The following PRKD1 variants were observed in gnomAD, a reference collection of about 807,000 sequenced individuals.
The protein encoded by PRKD1 is serine/threonine-protein kinase D1.
In PRKD1, 63 loss-of-function variants were observed where a neutral mutation model predicts 95.9. That is an observed-to-expected ratio of 0.66 (90% confidence interval 0.54 to 0.81). The LOEUF (loss-of-function observed/expected upper bound fraction) is 0.81, where lower values mean the gene tolerates loss of function less well. Ranked by LOEUF, PRKD1 falls within the 30% of genes least tolerant of loss-of-function variation. The pLI is 0.00. For missense variants in PRKD1, 1,048 were observed against 1,165.3 expected, an observed-to-expected ratio of 0.90 and a Z score of 1.47; for synonymous variants, 425 against 423.1, an observed-to-expected ratio of 1.00 and a Z score of -0.05.
chr14:29,634,611 C>A, intron 7 of PRKD1, 70 bp from the exon 8 acceptor site: 1 of 1,570,100 alleles, frequency 6.4e-7, no homozygotes, highest in Non-Finnish European at 8.7e-7. Context: ...ATGCATAAAA[C>A]CTTATGTCAG....
At chr14:29,881,204 C>G (rs889452101) in intron 1 of PRKD1, among the ~76,000 whole-genome samples, 4 of 152,054 alleles carry the variant, frequency 2.6e-5, no homozygotes, top group Non-Finnish European at 5.9e-5. Context: ...TGGAAGGGAC[C>G]CAGGGAGAGG....
chr14:29,916,226 A>G (rs1894882194), intron 1 of PRKD1, among the ~76,000 whole-genome samples: 1 of 152,094 alleles, frequency 6.6e-6, no homozygotes. Flanking sequence ...TGCTCTTTGG[A>G]GCTCTCACCT....
At chr14:29,797,617 C>A (rs1481129161) in intron 1 of PRKD1, among the ~76,000 whole-genome samples, 1 of 152,094 alleles carries the variant, frequency 6.6e-6, no homozygotes, top group South Asian at 2.1e-4. Flanking sequence ...TCAAACTACC[C>A]AAGGGTGCCA....
chr14:29,758,986 A>G (rs45575933), intron 1 of PRKD1, among the ~76,000 whole-genome samples: 2,083 of 152,328 alleles, frequency 0.014, 52 homozygotes, highest in African/African-American at 0.048. Flanking sequence ...TGTTTCATAT[A>G]TAAGAAGAAA....
At chr14:29,915,096 T>C (rs1214487434) in intron 1 of PRKD1, among the ~76,000 whole-genome samples, 3 of 152,156 alleles carry the variant, frequency 2.0e-5, no homozygotes, top group Admixed American at 2.0e-4. Context: ...TATTCAAGAG[T>C]GATTCATTGA....
intron 2 of PRKD1, among the ~76,000 whole-genome samples, chr14:29,710,821 A>G (rs530692705): frequency 6.6e-6 from 1 of 152,296 alleles, no homozygotes; most frequent in Admixed American, 6.5e-5. Flanking sequence ...TTATTCCAAA[A>G]TACAAGTTTG....
At chr14:29,822,057 A>C (rs1890934957) in intron 1 of PRKD1, among the ~76,000 whole-genome samples, 1 of 152,138 alleles carries the variant, frequency 6.6e-6, no homozygotes, top group African/African-American at 2.4e-5. Flanking sequence ...TCCATGAACC[A>C]ATTTGTTTCA....
rs562649549 is a variant in PRKD1 at position 29,698,225 on chromosome 14, A to G, written c.403+27311T>C. ...GTTTATAATCACTATTATCTGGATA[A>G]TCACATATGATATACAACTTTTTAA... On this transcript the variant is annotated intron_variant, in intron 2 of 17. Coordinates refer to ENST00000331968, the MANE Select transcript of PRKD1 (RefSeq NM_002742.3). Among the ~76,000 whole-genome samples the G allele has an allele frequency of 4.6e-5, 7 of 152,332 alleles. No individual in the cohort carries two copies. The South Asian group carries it at 1.2e-3, about 27-fold the overall frequency.
intron 1 of PRKD1, among the ~76,000 whole-genome samples, chr14:29,917,484 T>C (rs1894930849): frequency 6.6e-6 from 1 of 152,150 alleles, no homozygotes; most frequent in African/African-American, 2.4e-5. Context: ...TTAAACCATT[T>C]ACAAAAAAAA....
chr14:29,696,670 C>A (rs1884535798), intron 2 of PRKD1, among the ~76,000 whole-genome samples: 1 of 152,100 alleles, frequency 6.6e-6, no homozygotes, highest in Non-Finnish European at 1.5e-5. Flanking sequence ...GTCTCTAAAA[C>A]TTGGCAGGAA....
intron 1 of PRKD1, among the ~76,000 whole-genome samples, chr14:29,860,431 G>A (rs7152735): frequency 0.033 from 5,091 of 152,244 alleles, 304 homozygotes; most frequent in African/African-American, 0.11. Flanking sequence ...GGTAAAAGCT[G>A]CAAGATAAGA....
At chr14:29,807,539 G>A (rs769844783) in intron 1 of PRKD1, among the ~76,000 whole-genome samples, 14 of 151,858 alleles carry the variant, frequency 9.2e-5, no homozygotes, top group Non-Finnish European at 1.6e-4. Flanking sequence ...TGGGACTACC[G>A]GTGTGTGCCA....
chr14:29,833,836 C>T (rs187096392), intron 1 of PRKD1, among the ~76,000 whole-genome samples: 14 of 152,032 alleles, frequency 9.2e-5, no homozygotes, highest in Admixed American at 9.2e-4. Flanking sequence ...ATCCCTTTTA[C>T]TCCTCTATTT....
chr14:29,653,482 A>C (rs1409092040), intron 4 of PRKD1, among the ~76,000 whole-genome samples: 1 of 152,138 alleles, frequency 6.6e-6, no homozygotes, highest in East Asian at 1.9e-4. Context: ...CATAATGTAA[A>C]AAATGCTGTG....
At chr14:29,598,322 T>G (rs892018391) in intron 15 of PRKD1, among the ~76,000 whole-genome samples, 4 of 133,864 alleles carry the variant, frequency 3.0e-5, no homozygotes, top group African/African-American at 1.1e-4. Flanking sequence ...TAAAATAAAA[T>G]AAAAATAAAT....
At chr14:29,881,129 T>A (rs1281138286) in intron 1 of PRKD1, among the ~76,000 whole-genome samples, 2 of 152,198 alleles carry the variant, frequency 1.3e-5, no homozygotes, top group African/African-American at 4.8e-5. Context: ...TGGAATGATA[T>A]GATTTGGCTG....
At chr14:29,609,368 C>T (rs1878257417) in intron 13 of PRKD1, among the ~76,000 whole-genome samples, 2 of 151,964 alleles carry the variant, frequency 1.3e-5, no homozygotes, top group Non-Finnish European at 2.9e-5. Context: ...ACAATTTTTT[C>T]ATCATAAATT....
At chr14:29,628,547 C>T (rs1413639451) in intron 11 of PRKD1, among the ~76,000 whole-genome samples, 2 of 152,088 alleles carry the variant, frequency 1.3e-5, no homozygotes, top group Non-Finnish European at 2.9e-5. Flanking sequence ...AATGAGAACC[C>T]GTAAGATTCG....
intron 4 of PRKD1, among the ~76,000 whole-genome samples, chr14:29,653,891 T>G (rs1300093097): frequency 6.6e-6 from 1 of 152,156 alleles, no homozygotes; most frequent in Non-Finnish European, 1.5e-5. Flanking sequence ...TGAAAAGCCT[T>G]TATTCTCTCC....
Sources: allele counts gnomAD v4.1 joint callset (sites outside exome capture counted in the v4.1 genomes callset), GRCh38; gene constraint gnomAD v4.1.1; transcripts MANE v1.5; gene names NCBI Gene and HGNC (gene_info 2026-07-23, HGNC 2026-07-21).